ELMO1: variants seen among roughly 807,000 people sequenced by gnomAD.
The protein encoded by ELMO1 is engulfment and cell motility 1.
ELMO1 carries 26 observed loss-of-function variants against 98.9 expected under a neutral mutation model. The ratio of observed to expected loss-of-function variants is 0.26; its 90% confidence interval spans 0.19 to 0.36. The LOEUF is 0.36. ELMO1 is among the 10% of genes least tolerant of loss of function. The probability of loss-of-function intolerance (pLI) is 1.00; values close to 1 mark genes in which losing one functional copy is unlikely to be tolerated. For synonymous variants in ELMO1, 346 were observed against 346.0 expected, an observed-to-expected ratio of 1.00 and a Z score of 0.00; for missense variants, 627 against 935.2, an observed-to-expected ratio of 0.67 and a Z score of 4.30.
At chr7:36,904,005 C>T (rs1783780593) in intron 16 of ELMO1, among the ~76,000 whole-genome samples, 1 of 152,232 alleles carries the variant, frequency 6.6e-6, no homozygotes, top group South Asian at 2.1e-4. Flanking sequence ...CCCTGGGCTG[C>T]CTCAGTGAGA....
intron 16 of ELMO1, among the ~76,000 whole-genome samples, chr7:36,938,177 G>A (rs1786714067): frequency 6.6e-6 from 1 of 152,116 alleles, no homozygotes; most frequent in Non-Finnish European, 1.5e-5. Context: ...TGAGATTTAG[G>A]GATCTTTGTC....
chr7:37,106,043 T>C (rs534829520), intron 14 of ELMO1, among the ~76,000 whole-genome samples: 1 of 152,286 alleles, frequency 6.6e-6, no homozygotes, highest in Admixed American at 6.5e-5. Flanking sequence ...TTCATCTCGA[T>C]TAACAAAAAA....
chr7:37,308,254 G>T (rs1051853093), intron 4 of ELMO1, among the ~76,000 whole-genome samples: 2 of 152,128 alleles, frequency 1.3e-5, no homozygotes, highest in African/African-American at 2.4e-5. Context: ...AAGGAAGTCT[G>T]CAATCCAATC....
At chr7:37,138,697 G>A (rs548611558) in intron 13 of ELMO1, among the ~76,000 whole-genome samples, 36 of 152,182 alleles carry the variant, frequency 2.4e-4, no homozygotes, top group Non-Finnish European at 4.7e-4. Context: ...GATAGAGAGA[G>A]AGGGAATCCT....
At chr7:37,357,410 C>A (rs751483348) in intron 1 of ELMO1, among the ~76,000 whole-genome samples, 2 of 152,250 alleles carry the variant, frequency 1.3e-5, no homozygotes, top group Middle Eastern at 3.4e-3. Context: ...CTGGCGAGAC[C>A]TCAGCCCAGC....
chr7:37,143,946 G>A (rs1284271152), intron 13 of ELMO1, among the ~76,000 whole-genome samples: 1 of 151,508 alleles, frequency 6.6e-6, no homozygotes, highest in Non-Finnish European at 1.5e-5. Context: ...CCTGACCTCA[G>A]GTAATCCACC....
chr7:37,348,097 T>G (rs1801095958), intron 1 of ELMO1, among the ~76,000 whole-genome samples: 1 of 152,190 alleles, frequency 6.6e-6, no homozygotes. Flanking sequence ...CAGGCAGGCA[T>G]TTTAATACAT....
At chr7:37,440,766 C>A (rs1805382053) in intron 1 of ELMO1, among the ~76,000 whole-genome samples, 2 of 118,826 alleles carry the variant, frequency 1.7e-5, no homozygotes, top group African/African-American at 6.3e-5. Flanking sequence ...GAGACTCCAT[C>A]TCAAAAAAAA....
chr7:37,353,519 C>T (rs1421347594), intron 1 of ELMO1: 3 of 152,920 alleles, frequency 2.0e-5, no homozygotes, highest in African/African-American at 7.2e-5. Flanking sequence ...TGCAAACCTT[C>T]GCGGTGAGTG....
At chr7:37,118,119 G>A (rs376474241) in intron 14 of ELMO1, among the ~76,000 whole-genome samples, 16 of 152,094 alleles carry the variant, frequency 1.1e-4, no homozygotes, top group Non-Finnish European at 2.2e-4. Flanking sequence ...TAATTATGTC[G>A]CTTGGGGAAC....
chr7:37,090,415 T>C (rs1223669989), intron 15 of ELMO1, among the ~76,000 whole-genome samples: 1 of 152,216 alleles, frequency 6.6e-6, no homozygotes, highest in Non-Finnish European at 1.5e-5. Context: ...AAAATCCTTC[T>C]ATTGGTTTCC....
intron 13 of ELMO1, among the ~76,000 whole-genome samples, chr7:37,188,400 GCTT>G (rs1322016099): frequency 7.3e-6 from 1 of 136,102 alleles, no homozygotes; most frequent in Non-Finnish European, 1.6e-5. Flanking sequence ...TACAGACTGT[GCTT>G]CTTGTTACAC....
At chr7:36,899,093 G>A (rs550265568) in intron 16 of ELMO1, among the ~76,000 whole-genome samples, 1 of 152,214 alleles carries the variant, frequency 6.6e-6, no homozygotes, top group South Asian at 2.1e-4. Context: ...ACATAGCCAT[G>A]GGTGGGGAAG....
chr7:37,258,083 C>G (rs10235945), intron 6 of ELMO1, among the ~76,000 whole-genome samples: 5,426 of 152,244 alleles, frequency 0.036, 314 homozygotes, highest in African/African-American at 0.12. Context: ...TCCTGGCTGA[C>G]ATGGTGAAAC....
At chr7:37,037,191 A>C (rs1795223043) in intron 15 of ELMO1, among the ~76,000 whole-genome samples, 1 of 152,208 alleles carries the variant, frequency 6.6e-6, no homozygotes, top group African/African-American at 2.4e-5. Flanking sequence ...AAAGACTAGA[A>C]TATGCCCTTT....
At chr7:37,065,894 ACT>A (rs1796934254) in intron 15 of ELMO1, among the ~76,000 whole-genome samples, 1 of 152,100 alleles carries the variant, frequency 6.6e-6, no homozygotes, top group African/African-American at 2.4e-5. Context: ...CCCAGATCTC[ACT>A]CTGAGCTGTA....
chr7:37,030,823 T>C (rs920360270), intron 15 of ELMO1, among the ~76,000 whole-genome samples: 1 of 152,248 alleles, frequency 6.6e-6, no homozygotes, highest in African/African-American at 2.4e-5. Flanking sequence ...AATCTGGTCC[T>C]GTAGCTTCTA....
At chr7:37,078,218 T>C (rs541362450) in intron 15 of ELMO1, among the ~76,000 whole-genome samples, 1 of 152,232 alleles carries the variant, frequency 6.6e-6, no homozygotes, top group Non-Finnish European at 1.5e-5. Context: ...CATAAAATGT[T>C]AAGTTTTAAT....
intron 15 of ELMO1, among the ~76,000 whole-genome samples, chr7:37,082,344 T>C (rs531753137): frequency 7.6e-4 from 115 of 152,138 alleles, no homozygotes; most frequent in African/African-American, 2.7e-3. Context: ...AAAATTAATG[T>C]TTAACTCCTC....
Sources: gnomAD v4.1 joint callset for allele counts (sites outside exome capture counted in the v4.1 genomes callset) on GRCh38, gnomAD v4.1.1 for gene constraint, MANE v1.5 for transcripts, NCBI Gene and HGNC (gene_info 2026-07-23, HGNC 2026-07-21) for gene names.